The following PGBD1 variants were observed in gnomAD, a reference collection of about 807,000 sequenced individuals.
PGBD1 encodes piggyBac transposable element derived 1, also known as piggyBac transposable element-derived protein 1.
Under a neutral mutation model 34.7 loss-of-function variants are expected in PGBD1, and 25 were observed. That is an observed-to-expected ratio of 0.72 (90% CI 0.52 to 1.00). The LOEUF is 1.00. Ranked by LOEUF, PGBD1 falls within the 50% of genes least tolerant of loss-of-function variation. PGBD1 has a pLI of 0.00. For synonymous variants in PGBD1, 292 were observed against 335.7 expected, an observed-to-expected ratio of 0.87 and a Z score of 1.42; for missense variants, 830 against 959.4, an observed-to-expected ratio of 0.87 and a Z score of 1.78.
Position 28,302,358 on chromosome 6 carries a change from T to C in PGBD1, c.*74T>C. ...AATAATTATACATGCTGTTGTACCCTCCCAAAGTAAATCTGATATATGTAA... is the reference window on the plus strand; with the variant it reads ...AATAATTATACATGCTGTTGTACCCCCCCAAAGTAAATCTGATATATGTAA... On this transcript the variant is annotated 3_prime_UTR_variant, in exon 7 of 7. Coordinates refer to ENST00000682144, the MANE Select transcript of PGBD1 (RefSeq NM_032507.4). 1 of 1,414,602 alleles carries C rather than the reference T, an allele frequency of 7.1e-7. No homozygotes were observed. Among genetic ancestry groups the C allele is most frequent in the Non-Finnish European group, 9.5e-7 (1 of 1,047,726 alleles). The allele number at this position is 1,414,602 out of a possible 1,614,324, so 87.6% of individuals were successfully genotyped here.
chr6:28,289,411 A>G (rs946953461), intron 4 of PGBD1, among the ~76,000 whole-genome samples: 6 of 152,258 alleles, frequency 3.9e-5, no homozygotes, highest in Non-Finnish European at 5.9e-5. Context: ...CACCACCACC[A>G]GACACATCTT....
intron 4 of PGBD1, among the ~76,000 whole-genome samples, chr6:28,291,801 T>C (rs905141347): frequency 2.0e-5 from 3 of 152,132 alleles, no homozygotes; most frequent in Non-Finnish European, 4.4e-5. Context: ...GTTCAACATA[T>C]GCAAATCAAT....
In PGBD1 at chr6:28,296,052, T is replaced by C. The variant is rs528937167; in HGVS notation, c.643-764T>C. Among the ~76,000 whole-genome samples, 3 of 152,318 alleles carry C rather than the reference T, an allele frequency of 2.0e-5. No homozygotes were observed. The South Asian group carries it at 6.2e-4, about 32-fold the overall frequency. On this transcript the variant is annotated intron_variant, in intron 4 of 6. Transcript: ENST00000682144. The stretch of plus-strand genomic sequence containing the variant: ...AAATGAGAGAAAATCAAGAGGCTAA[T>C]GAAACCATGTGGTAGCCTTTTGGGA...
rs781166611 is a variant in PGBD1, at chr6:28,301,852, GA to G, written c.2005del (p.Met669Ter). On this transcript the variant is annotated frameshift_variant, in exon 7 of 7. Coordinates refer to ENST00000682144, the MANE Select transcript of PGBD1 (RefSeq NM_032507.4). LOFTEE classifies it low-confidence loss of function (END_TRUNC). ...GTCCCCTTATGAATGTAGAACATAT[GA>G]AAAAAATGAAGAGAGGGTATTTTGA... is the stretch of plus-strand genomic sequence containing the variant. ...KCPLMNVEHM[K>X]KMKRGYFDFR... 18 of 1,613,770 alleles carry G rather than the reference GA, an allele frequency of 1.1e-5. No individual in the cohort carries two copies. The highest frequency in any genetic ancestry group is 1.5e-5 in the Non-Finnish European group (18 of 1,179,956).
intron 3 of PGBD1, among the ~76,000 whole-genome samples, chr6:28,286,709 ACT>A (rs1762294513): frequency 6.7e-6 from 1 of 149,002 alleles, no homozygotes; most frequent in Non-Finnish European, 1.5e-5. Flanking sequence ...TCATCTCTCT[ACT>A]CTCTACATCC....
intron 4 of PGBD1, among the ~76,000 whole-genome samples, chr6:28,294,208 T>C (rs1370023182): frequency 6.6e-6 from 1 of 152,220 alleles, no homozygotes; most frequent in Non-Finnish European, 1.5e-5. Context: ...AGAGCACATC[T>C]CTTACTCTCT....
intron 4 of PGBD1, 103 bp from the exon 5 acceptor site, chr6:28,296,713 G>A: frequency 7.6e-7 from 1 of 1,323,078 alleles, no homozygotes; most frequent in Non-Finnish European, 1.0e-6. Flanking sequence ...ATGCCCTGAG[G>A]GGCTGGGACT....
At chr6:28,290,471 A>G (rs1561887442) in intron 4 of PGBD1, among the ~76,000 whole-genome samples, 2 of 152,342 alleles carry the variant, frequency 1.3e-5, no homozygotes, top group South Asian at 4.1e-4. Flanking sequence ...TAATAGATCT[A>G]AAAGGAGAGT....
Position 28,300,913 on chromosome 6 carries a change from G to A in PGBD1, c.1059G>A (p.Leu353=), listed in dbSNP as rs1762814621. The A allele has an allele frequency of 3.1e-6, 5 of 1,614,106 alleles. No individual in the cohort carries two copies. Among genetic ancestry groups the A allele is most frequent in the Non-Finnish European group, 4.2e-6 (5 of 1,180,022 alleles). The change falls in exon 7 of 7, where the codon CTG becomes CTA. Residue 353 remains leucine (L), a synonymous_variant. Coordinates refer to ENST00000682144, the MANE Select transcript of PGBD1 (RefSeq NM_032507.4). This position sits in a 1 kb window ranked among gnomAD's most constrained non-coding sequence, Gnocchi z 4.0. ...RKKDKARVSE[L]LQGLSFSGDS... ...AAGACAAAGCTCGAGTGAGTGAACT[G>A]CTCCAAGGCCTCTCATTCTCTGGTG...
chr6:28,287,025 G>C (rs1762304662), intron 3 of PGBD1, 55 bp from the exon 4 acceptor site: 3 of 1,386,762 alleles, frequency 2.2e-6, no homozygotes, highest in Middle Eastern at 1.8e-4. Context: ...CTCCAAAAAG[G>C]GTACCCTAAA....
At chr6:28,295,815 C>T (rs115871162) in intron 4 of PGBD1, among the ~76,000 whole-genome samples, 2,089 of 152,192 alleles carry the variant, frequency 0.014, 46 homozygotes, top group African/African-American at 0.046. Context: ...ACTGAACCTG[C>T]AATATCTCTG....
Position 28,302,354 on chromosome 6 carries a change from A to G in PGBD1, c.*70A>G. Reference sequence around the variant, plus strand: ...AAATAATAATTATACATGCTGTTGTACCCTCCCAAAGTAAATCTGATATAT... The same window carrying G: ...AAATAATAATTATACATGCTGTTGTGCCCTCCCAAAGTAAATCTGATATAT... On this transcript the variant is annotated 3_prime_UTR_variant, in exon 7 of 7. Transcript: ENST00000682144. 1.4e-6 allele frequency: 2 copies of G among 1,445,806 alleles called. No homozygotes were observed. Among genetic ancestry groups the G allele is most frequent in the East Asian group, 2.3e-5 (1 of 42,992 alleles). The allele number at this position is 1,445,806 out of a possible 1,614,324, so 89.6% of individuals were successfully genotyped here.
intron 2 of PGBD1, 139 bp downstream of exon 2, chr6:28,284,348 C>G: frequency 7.0e-6 from 7 of 1,005,876 alleles, no homozygotes; most frequent in South Asian, 4.9e-5. Flanking sequence ...AACTCTTCAT[C>G]CAAATTTGCC....
Position 28,283,960 on chromosome 6 carries a change from C to A in PGBD1, c.147C>A (p.His49Gln), listed in dbSNP as rs1233847489. The A allele has an allele frequency of 2.5e-6, 4 of 1,614,108 alleles. No individual in the cohort carries two copies. Among genetic ancestry groups the A allele is most frequent in the Admixed American group, 1.7e-5 (1 of 60,014 alleles). The change falls in exon 2 of 7, where the codon CAC becomes CAA. Residue 49 changes from histidine to glutamine, a missense_variant. Transcript: ENST00000682144. ...TQEICRLRFR[H>Q]FCYQEAHGPQ... ...AGATTTGCCGCCTGCGCTTTCGGCA[C>A]TTCTGCTACCAGGAGGCTCACGGAC...
chr6:28,288,952 C>T (rs1402859081), intron 4 of PGBD1, among the ~76,000 whole-genome samples: 1 of 152,084 alleles, frequency 6.6e-6, no homozygotes, highest in African/African-American at 2.4e-5. Context: ...CATGCCATTA[C>T]ACTCCAGCCT....
rs779734139 is a variant in PGBD1 at position 28,285,528 on chromosome 6, C to A, written c.397-23C>A. 4 of 1,610,748 alleles carry A rather than the reference C, an allele frequency of 2.5e-6. No individual in the cohort carries two copies. In the African/African-American group the frequency reaches 4.0e-5, roughly 16 times the overall value. On this transcript the variant is annotated intron_variant, in intron 2 of 6. Transcript: ENST00000682144. ...TGCAGTCCATATATGCATGCCCTTT[C>A]AAAATAAATCTTTTGTTTCCAGGCC...
At chr6:28,293,732 T>G (rs76411584) in intron 4 of PGBD1, among the ~76,000 whole-genome samples, 83 of 152,326 alleles carry the variant, frequency 5.4e-4, no homozygotes, top group African/African-American at 1.9e-3. Flanking sequence ...ACCATGCCCG[T>G]TTAAAATGTC....
At chr6:28,290,365 G>C (rs1762409604) in intron 4 of PGBD1, among the ~76,000 whole-genome samples, 2 of 152,074 alleles carry the variant, frequency 1.3e-5, no homozygotes, top group African/African-American at 4.8e-5. Context: ...CAAAGTTCTG[G>C]GATTACAGGC....
Position 28,301,972 on chromosome 6 carries a change from A to T in PGBD1, c.2118A>T (p.Pro706=). ...SLCSNAVGIE[P]VNEVSCCDAD... is the part of the protein sequence containing the mutation. ...GCTCCAATGCTGTGGGCATAGAACC[A>T]GTCAATGAGGTAAGCTGTTGTGATG... Residue 706 remains proline (P), a synonymous_variant, in exon 7 of 7, where the codon CCA becomes CCT. Coordinates refer to ENST00000682144, the MANE Select transcript of PGBD1 (RefSeq NM_032507.4). The T allele has an allele frequency of 1.2e-6, 2 of 1,614,222 alleles. No individual in the cohort carries two copies. Among genetic ancestry groups the T allele is most frequent in the Non-Finnish European group, 1.7e-6 (2 of 1,180,030 alleles).
Sources: allele counts gnomAD v4.1 joint callset (sites outside exome capture counted in the v4.1 genomes callset), GRCh38; gene constraint gnomAD v4.1.1; non-coding constraint Gnocchi (gnomAD v3.1); transcripts MANE v1.5; gene names NCBI Gene and HGNC (gene_info 2026-07-23, HGNC 2026-07-21).